Variants in AQP2 observed in about 807,000 individuals in gnomAD.
AQP2 encodes the protein aquaporin 2.
In AQP2, 20 loss-of-function variants were observed where a neutral mutation model predicts 21.6. The ratio of observed to expected loss-of-function variants is 0.92; its 90% confidence interval spans 0.65 to 1.34. The LOEUF (loss-of-function observed/expected upper bound fraction) is 1.34, where lower values mean the gene tolerates loss of function less well. Among genes scored for constraint, AQP2 ranks in the 40% most tolerant of loss-of-function variants. The pLI, the probability that AQP2 is intolerant of heterozygous loss-of-function variation, is 0.00. For synonymous variants in AQP2, 168 were observed against 166.9 expected (o/e 1.01, Z -0.05); for missense variants, 325 against 363.4 (o/e 0.89, Z 0.86).
chr12:49,952,611 T>C (rs1592815511), intron 1 of AQP2, among the ~76,000 whole-genome samples: 1 of 151,966 alleles, frequency 6.6e-6, no homozygotes, highest in East Asian at 1.9e-4. Context: ...GCACTGGGAG[T>C]GAAAGGCCAT....
rs768070682 is a variant in AQP2, at chr12:49,951,092, T to G, written c.262T>G (p.Phe88Val). Residue 88 changes from phenylalanine (F) to valine (V), a missense_variant, in exon 1 of 4, where the codon TTC becomes GTC. Phe to Val is a conservative substitution (Grantham distance 50, BLOSUM62 -1). Coordinates refer to ENST00000199280, the MANE Select transcript of AQP2 (RefSeq NM_000486.6). ...CCACGTCTCCGTTCTCCGAGCCGCCTTCTACGTGGCTGCCCAGCTGCTGGG... is the reference window on the plus strand; with the variant it reads ...CCACGTCTCCGTTCTCCGAGCCGCCGTCTACGTGGCTGCCCAGCTGCTGGG... The part of the protein sequence containing the change: ...GCHVSVLRAA[F>V]YVAAQLLGAV... 4 of 1,610,110 alleles carry G rather than the reference T, an allele frequency of 2.5e-6. No homozygotes were observed. In the Admixed American group the frequency reaches 6.7e-5, roughly 27 times the overall value.
At chr12:49,955,317 G>T (rs1947358569) in intron 3 of AQP2, 82 bp from the exon 4 acceptor site, 4 of 1,390,938 alleles carry the variant, frequency 2.9e-6, no homozygotes, top group Admixed American at 4.3e-5. Flanking sequence ...AGGTGCGGCC[G>T]CAGAGTGTGC....
Position 49,955,743 on chromosome 12 carries a change from C to CACGT in AQP2, c.*135_*136insACGT. The CACGT allele has an allele frequency of 8.5e-7, 1 of 1,175,380 alleles. No homozygotes were observed. The highest frequency in any genetic ancestry group is 1.2e-6 in the Non-Finnish European group (1 of 821,394). The allele number at this position is 1,175,380 out of a possible 1,614,324, so 72.8% of individuals were successfully genotyped here. ...AGTAGCTGCTTCCTGGACGTGCGCG[C>CACGT]CCAGGCCAGTGCTGTGAGCAGGCGG... is the stretch of plus-strand genomic sequence containing the variant. On this transcript the variant is annotated 3_prime_UTR_variant, in exon 4 of 4. Coordinates refer to ENST00000199280, the MANE Select transcript of AQP2 (RefSeq NM_000486.6).
chr12:49,953,662 G>A lies in AQP2; in HGVS notation c.361-493G>A, dbSNP rs150429113. On this transcript the variant is annotated intron_variant, in intron 1 of 3. Transcript: ENST00000199280. Reference sequence around the variant, plus strand: ...AGGGGCACACTAGGACTGTCCCCCAGACCCAAGTCCCTAGACCCTGTCTCT... The same window carrying A: ...AGGGGCACACTAGGACTGTCCCCCAAACCCAAGTCCCTAGACCCTGTCTCT... 6.6e-3 allele frequency among the ~76,000 whole-genome samples: 1,009 copies of A among 152,306 alleles called. 5 individuals are homozygous for A. The highest frequency in any genetic ancestry group is 0.015 in the African/African-American group (637 of 41,564).
chr12:49,953,013 C>G (rs1947340700), intron 1 of AQP2, among the ~76,000 whole-genome samples: 1 of 152,202 alleles, frequency 6.6e-6, no homozygotes, highest in Non-Finnish European at 1.5e-5. Context: ...AGTCACAGAA[C>G]CAATATGTCA....
At chr12:49,953,996 A>G (rs906445876) in intron 1 of AQP2, 159 bp from the exon 2 acceptor site, 3 of 1,048,474 alleles carry the variant, frequency 2.9e-6, no homozygotes, top group African/African-American at 3.1e-5. Flanking sequence ...GCCCAGGAAG[A>G]AGGGATCAGT....
At chr12:49,954,406 C>T in intron 2 of AQP2, 87 bp downstream of exon 2, 5 of 1,441,096 alleles carry the variant, frequency 3.5e-6, no homozygotes, top group South Asian at 1.2e-5. Context: ...CCAAGAGGGA[C>T]ACATACACAG....
chr12:49,955,836 G>A lies in AQP2; in HGVS notation c.*228G>A, dbSNP rs1204543322. On this transcript the variant is annotated 3_prime_UTR_variant, in exon 4 of 4. Coordinates refer to ENST00000199280, the MANE Select transcript of AQP2 (RefSeq NM_000486.6). Reference sequence around the variant, plus strand: ...TGCCCTGAGGCTGTGAGCAGCTAGTGGTGGCTTCTCCAGCCTTTTTCAGGG... The same window carrying A: ...TGCCCTGAGGCTGTGAGCAGCTAGTAGTGGCTTCTCCAGCCTTTTTCAGGG... 1.4e-6 allele frequency: 1 copy of A among 697,634 alleles called. No individual in the cohort carries two copies. The highest frequency in any genetic ancestry group is 2.5e-6 in the Non-Finnish European group (1 of 393,192). The allele number at this position is 697,634 out of a possible 1,614,324, so 43.2% of individuals were successfully genotyped here.
chr12:49,950,955 T>C lies in AQP2; in HGVS notation c.125T>C (p.Leu42Pro), dbSNP rs762664471. ...TGGCCACAGGCCCTGCCCTCTGTGCTACAGATTGCCATGGCGTTTGGCTTG... is the reference window on the plus strand; with the variant it reads ...TGGCCACAGGCCCTGCCCTCTGTGCCACAGATTGCCATGGCGTTTGGCTTG... ...LNWPQALPSV[L>P]QIAMAFGLGI... Residue 42 changes from leucine (L) to proline (P), a missense_variant, in exon 1 of 4, where the codon CTA becomes CCA. Physicochemically the swap from Leu to Pro is moderately conservative, Grantham distance 98. Transcript: ENST00000199280. 6 of 1,614,226 alleles carry C rather than the reference T, an allele frequency of 3.7e-6. No homozygotes were observed. In the South Asian group the frequency reaches 6.6e-5, roughly 18 times the overall value.
chr12:49,954,176 G>A lies in AQP2; in HGVS notation c.382G>A (p.Gly128Ser). ...VNALSNSTTA[G>S]QAVTVELFLT... ...CCAGCTCAGCAACAGCACGACGGCT[G>A]GCCAGGCGGTGACTGTGGAGCTCTT... The change falls in exon 2 of 4, where the codon GGC becomes AGC. Residue 128 changes from glycine (G) to serine (S), a missense_variant. Gly to Ser is a moderately conservative substitution (Grantham distance 56). Transcript: ENST00000199280. 1 of 1,600,000 alleles carries A rather than the reference G, an allele frequency of 6.3e-7. No individual in the cohort carries two copies. The highest frequency in any genetic ancestry group is 1.1e-5 in the South Asian group (1 of 91,028).
chr12:49,954,572 G>A, intron 2 of AQP2, 58 bp from the exon 3 acceptor site: 2 of 1,588,188 alleles, frequency 1.3e-6, no homozygotes, highest in African/African-American at 1.3e-5. Flanking sequence ...TGCGGGACAA[G>A]GACTTCCTGC....
Position 49,955,779 on chromosome 12 carries a change from G to A in AQP2, c.*171G>A. ...GCTGTGAGCAGGCGGGGAGGAGGCT[G>A]CCGGAGGGAGCCCTGAGCCTGGCAG... is the stretch of plus-strand genomic sequence containing the variant. On this transcript the variant is annotated 3_prime_UTR_variant, in exon 4 of 4. Transcript: ENST00000199280. 2.2e-6 allele frequency: 2 copies of A among 904,608 alleles called. No homozygotes were observed. The highest frequency in any genetic ancestry group is 3.5e-6 in the Non-Finnish European group (2 of 573,172). The allele number at this position is 904,608 out of a possible 1,614,324, so 56.0% of individuals were successfully genotyped here.
chr12:49,954,423 C>A, intron 2 of AQP2, 104 bp downstream of exon 2: 1 of 1,364,140 alleles, frequency 7.3e-7, no homozygotes, highest in Non-Finnish European at 1.0e-6. Context: ...ACAGAACTCT[C>A]AAGAGGAACA....
At position 49,955,455 on chromosome 12, in the gene AQP2, C is replaced by T. The variant is rs1947360602; in HGVS notation, c.663C>T (p.Tyr221=). ...TCCTGGGCTCCCTCCTCTACAACTA[C>T]GTGCTGTTTCCGCCAGCCAAGAGCC... ...GAILGSLLYN[Y]VLFPPAKSLS... The change falls in exon 4 of 4, where the codon TAC becomes TAT. Residue 221 remains tyrosine (Y), a synonymous_variant. Transcript: ENST00000199280. 6.2e-7 allele frequency: 1 copy of T among 1,612,842 alleles called. No homozygotes were observed. The highest frequency in any genetic ancestry group is 8.5e-7 in the Non-Finnish European group (1 of 1,179,846).
chr12:49,951,036 C>T lies in AQP2; in HGVS notation c.206C>T (p.Pro69Leu). The change falls in exon 1 of 4, where the codon CCT becomes CTT. Residue 69 changes from proline to leucine, a missense_variant. Physicochemically the swap from Pro to Leu is moderately conservative, Grantham distance 98. Coordinates refer to ENST00000199280, the MANE Select transcript of AQP2 (RefSeq NM_000486.6). Reference protein sequence around the residue: ...LGHISGAHINPAVTVACLVGC... With the variant: ...LGHISGAHINLAVTVACLVGC... ...CACATAAGCGGGGCCCACATCAACC[C>T]TGCCGTGACTGTGGCCTGCCTGGTG... 2 of 1,613,950 alleles carry T rather than the reference C, an allele frequency of 1.2e-6. No homozygotes were observed. The highest frequency in any genetic ancestry group is 1.7e-6 in the Non-Finnish European group (2 of 1,180,000).
chr12:49,952,756 A>G (rs919190268), intron 1 of AQP2, among the ~76,000 whole-genome samples: 7 of 152,160 alleles, frequency 4.6e-5, no homozygotes, highest in African/African-American at 1.7e-4. Flanking sequence ...CCCTGCCTGG[A>G]TGGAATGGGG....
chr12:49,955,187 A>G (rs1313246852), intron 3 of AQP2, among the ~76,000 whole-genome samples: 1 of 152,218 alleles, frequency 6.6e-6, no homozygotes, highest in East Asian at 1.9e-4. Flanking sequence ...CAGGACACAC[A>G]CAGGCAGTGG....
intron 2 of AQP2, 96 bp downstream of exon 2, chr12:49,954,415 A>T: frequency 7.2e-7 from 1 of 1,396,106 alleles, no homozygotes; most frequent in Non-Finnish European, 9.9e-7. Context: ...ACACATACAC[A>T]GAACTCTCAA....
Position 49,955,429 on chromosome 12 carries a change from A to G in AQP2, c.637A>G (p.Ile213Val). Residue 213 changes from isoleucine (I) to valine (V), a missense_variant, in exon 4 of 4, where the codon ATC (isoleucine) becomes GTC (valine). By Grantham distance (29) the Ile-to-Val change is conservative. Coordinates refer to ENST00000199280, the MANE Select transcript of AQP2 (RefSeq NM_000486.6). ...CTGGATCGGACCCCTGGTGGGCGCC[A>G]TCCTGGGCTCCCTCCTCTACAACTA... ...VFWIGPLVGA[I>V]LGSLLYNYVL... 6.2e-7 allele frequency: 1 copy of G among 1,612,674 alleles called. No homozygotes were observed. Among genetic ancestry groups the G allele is most frequent in the Non-Finnish European group, 8.5e-7 (1 of 1,179,778 alleles).
Sources: allele counts gnomAD v4.1 joint callset (sites outside exome capture counted in the v4.1 genomes callset), GRCh38; gene constraint gnomAD v4.1.1; transcripts MANE v1.5; gene names NCBI Gene and HGNC (gene_info 2026-07-23, HGNC 2026-07-21).